Variants in ENOX2 observed in about 807,000 individuals in gnomAD.
The protein encoded by ENOX2 is APK1 antigen.
Under a neutral mutation model 45.0 loss-of-function variants are expected in ENOX2, and 36 were observed. The ratio of observed to expected loss-of-function variants is 0.80; its 90% CI spans 0.61 to 1.06. The LOEUF is 1.06. ENOX2 is among the 50% of genes least tolerant of loss of function. The pLI, the probability that ENOX2 is intolerant of heterozygous loss-of-function variation, is 0.00. For missense variants in ENOX2, 423 were observed against 462.5 expected (o/e 0.91, Z 0.78); for synonymous variants, 174 against 152.3 (o/e 1.14, Z -1.05).
At chrX:130,640,171 G>C (rs760768227) in intron 10 of ENOX2, among the ~76,000 whole-genome samples, 51 of 112,002 alleles carry the variant, frequency 4.6e-4, no homozygotes, top group African/African-American at 1.3e-3. Context: ...TCACCCCCAA[G>C]GGCCTCACCC....
intron 2 of ENOX2, among the ~76,000 whole-genome samples, chrX:130,815,161 C>T (rs758660311): frequency 5.7e-4 from 63 of 111,184 alleles, no homozygotes; most frequent in African/African-American, 1.9e-3. Flanking sequence ...GATCAAAGAT[C>T]AACTTAATGA....
At chrX:130,828,202 T>C (rs943084801) in intron 2 of ENOX2, among the ~76,000 whole-genome samples, 7 of 111,999 alleles carry the variant, frequency 6.3e-5, no homozygotes, top group African/African-American at 1.9e-4. Flanking sequence ...TAATTCATAC[T>C]AACTAATCTG....
At chrX:130,686,951 A>T (rs1022945287) in intron 5 of ENOX2, among the ~76,000 whole-genome samples, 1 of 111,884 alleles carries the variant, frequency 8.9e-6, no homozygotes, top group Non-Finnish European at 1.9e-5. Flanking sequence ...AGGATGAAGA[A>T]CTAAAAGACG....
At chrX:130,647,837 C>A (rs2036279709) in intron 10 of ENOX2, among the ~76,000 whole-genome samples, 1 of 110,471 alleles carries the variant, frequency 9.1e-6, no homozygotes, top group East Asian at 2.8e-4. Flanking sequence ...TCCTTAACTT[C>A]CTACTACTAC....
intron 3 of ENOX2, among the ~76,000 whole-genome samples, chrX:130,745,623 G>A (rs2039082280): frequency 8.9e-6 from 1 of 112,067 alleles, no homozygotes; most frequent in Non-Finnish European, 1.9e-5. Context: ...GCTGAGAGCT[G>A]AGAAACCAAA....
At chrX:130,765,924 A>G (rs1048891320) in intron 3 of ENOX2, among the ~76,000 whole-genome samples, 36 of 111,527 alleles carry the variant, frequency 3.2e-4, no homozygotes, top group African/African-American at 1.1e-3. Context: ...CTTTCTTAGC[A>G]TGGGTTCCTC....
At chrX:130,755,731 G>A (rs1012085380) in intron 3 of ENOX2, among the ~76,000 whole-genome samples, 2 of 111,130 alleles carry the variant, frequency 1.8e-5, no homozygotes, top group African/African-American at 6.5e-5. Flanking sequence ...TGTGTTACAA[G>A]CAACCAAACC....
Position 130,622,543 on chromosome X carries a change from C to T in ENOX2, c.*2771G>A, listed in dbSNP as rs1399763440. 9.0e-6 allele frequency among the ~76,000 whole-genome samples: 1 copy of T among 111,614 alleles called. No individual in the cohort carries two copies. The highest frequency in any genetic ancestry group is 3.3e-5 in the African/African-American group (1 of 30,710). ...GGACTAGGGAAGGAGATAAAAAAAT[C>T]ATTTGTAAAACAAAAGAAACCTTCC... On this transcript the variant is annotated 3_prime_UTR_variant, in exon 15 of 15. Transcript: ENST00000394363.
At chrX:130,874,994 T>G (rs187942273) in intron 2 of ENOX2, among the ~76,000 whole-genome samples, 100 of 112,014 alleles carry the variant, frequency 8.9e-4, no homozygotes, top group Non-Finnish European at 1.4e-3. Context: ...CCCAATCAAA[T>G]GCAAGAAGTG....
At chrX:130,873,316 G>C (rs2078634515) in intron 2 of ENOX2, among the ~76,000 whole-genome samples, 1 of 112,401 alleles carries the variant, frequency 8.9e-6, no homozygotes, top group African/African-American at 3.2e-5. Context: ...CTGGTCATTA[G>C]AGAAAGCCAA....
intron 2 of ENOX2, among the ~76,000 whole-genome samples, chrX:130,799,921 CTTT>C (rs1416694681): frequency 2.7e-5 from 3 of 110,422 alleles, no homozygotes; most frequent in Admixed American, 9.7e-5. Context: ...AAAAAAAAGC[CTTT>C]TTAAGAATTT....
At chrX:130,799,345 A>G (rs1013712288) in intron 2 of ENOX2, among the ~76,000 whole-genome samples, 3 of 112,121 alleles carry the variant, frequency 2.7e-5, no homozygotes, top group African/African-American at 9.7e-5. Flanking sequence ...CACAGACTGA[A>G]GGCTGCACTG....
At chrX:130,805,371 A>G (rs2077282722) in intron 2 of ENOX2, among the ~76,000 whole-genome samples, 1 of 112,214 alleles carries the variant, frequency 8.9e-6, no homozygotes, top group African/African-American at 3.2e-5. Context: ...ATAACAGTCC[A>G]GGATTCTTAA....
At chrX:130,820,159 T>C (rs754949590) in intron 2 of ENOX2, among the ~76,000 whole-genome samples, 2 of 112,108 alleles carry the variant, frequency 1.8e-5, no homozygotes, top group African/African-American at 3.2e-5. Flanking sequence ...AGGACCTGAA[T>C]AGACATTTCT....
chrX:130,642,119 C>T (rs927478720), intron 10 of ENOX2, among the ~76,000 whole-genome samples: 3 of 112,119 alleles, frequency 2.7e-5, no homozygotes, highest in African/African-American at 9.7e-5. Flanking sequence ...AGATTGGAAA[C>T]CTTCTGGAAA....
intron 2 of ENOX2, among the ~76,000 whole-genome samples, chrX:130,847,308 A>C (rs1475451248): frequency 8.1e-5 from 9 of 111,568 alleles, no homozygotes; most frequent in Non-Finnish European, 1.7e-4. Context: ...TTAATATATA[A>C]GCATAATTTC....
chrX:130,827,145 T>C (rs1453665214), intron 2 of ENOX2, among the ~76,000 whole-genome samples: 1 of 112,243 alleles, frequency 8.9e-6, no homozygotes, highest in African/African-American at 3.2e-5. Context: ...CAGTTCATGC[T>C]AGGCCAGGGT....
Position 130,845,627 on chromosome X carries a change from G to T in ENOX2, c.-183+56057C>A, listed in dbSNP as rs191624431. ...ATTACAGGCATGTGCCACCACACCC[G>T]GCTAATTTTGTATTTTTAGTAGAGA... On this transcript the variant is annotated intron_variant, in intron 2 of 14. Coordinates refer to ENST00000394363, the MANE Select transcript of ENOX2 (RefSeq NM_006375.4). Among the ~76,000 whole-genome samples the T allele has an allele frequency of 7.4e-4, 83 of 111,685 alleles. 2 individuals are homozygous for T. Among genetic ancestry groups the T allele is most frequent in the African/African-American group, 2.6e-3 (80 of 30,723 alleles).
Position 130,625,373 on chromosome X carries a change from C to A in ENOX2, c.1687G>T (p.Gly563Ter). 1 of 1,210,831 alleles carries A rather than the reference C, an allele frequency of 8.3e-7. No homozygotes were observed. Among genetic ancestry groups the A allele is most frequent in the African/African-American group, 1.7e-5 (1 of 57,820 alleles). ...HTFKQEMTGVGASLEKRWKFC... is the reference protein window; with the variant it reads ...HTFKQEMTGV ...TTCCATCTCTTTTCCAGGCTGGCTC[C>A]AACTCCAGTCATTTCCTGCTTGAAG... is the stretch of plus-strand genomic sequence containing the variant. The change falls in exon 15 of 15, where the codon GGA becomes TGA. Residue 563 changes from glycine (G) to a stop codon, truncating the protein, a stop_gained. Coordinates refer to ENST00000394363, the MANE Select transcript of ENOX2 (RefSeq NM_006375.4). LOFTEE classifies it high-confidence loss of function.
Sources: allele counts gnomAD v4.1 joint callset (sites outside exome capture counted in the v4.1 genomes callset), GRCh38; gene constraint gnomAD v4.1.1; transcripts MANE v1.5; gene names NCBI Gene and HGNC (gene_info 2026-07-23, HGNC 2026-07-21).